IQGAP2: variants seen among roughly 807,000 people sequenced by gnomAD.
The protein encoded by IQGAP2 is ras GTPase-activating-like protein IQGAP2.
Under a neutral mutation model 201.3 loss-of-function variants are expected in IQGAP2, and 173 were observed. That is an observed-to-expected ratio of 0.86 (90% CI 0.76 to 0.98). The LOEUF is 0.98. Ranked by LOEUF, IQGAP2 falls within the 50% of genes least tolerant of loss-of-function variation. The probability of loss-of-function intolerance (pLI) is 0.00; values close to 1 mark genes in which losing one functional copy is unlikely to be tolerated. For missense variants in IQGAP2, 1,687 were observed against 1,864.8 expected, an observed-to-expected ratio of 0.90 and a Z score of 1.76; for synonymous variants, 675 against 673.9, an observed-to-expected ratio of 1.00 and a Z score of -0.03.
At chr5:76,536,446 T>C (rs1420963007) in intron 2 of IQGAP2, among the ~76,000 whole-genome samples, 3 of 152,034 alleles carry the variant, frequency 2.0e-5, no homozygotes, top group Admixed American at 6.5e-5. Context: ...TGTGTGCTGC[T>C]TTCTTTTTCT....
chr5:76,628,647 A>G (rs2455225), intron 14 of IQGAP2: 258,205 of 452,610 alleles, frequency 0.57, 74,594 homozygotes, highest in Middle Eastern at 0.61. Flanking sequence ...GTATCAGGTC[A>G]GAGAAGGTTC....
intron 28 of IQGAP2, 94 bp downstream of exon 28, chr5:76,677,444 A>C: frequency 8.7e-7 from 1 of 1,147,542 alleles, no homozygotes; most frequent in East Asian, 2.4e-5. Context: ...CTTATTGTAC[A>C]CATGTGCTAA....
At chr5:76,417,482 A>G (rs988056805) in intron 1 of IQGAP2, among the ~76,000 whole-genome samples, 1 of 152,052 alleles carries the variant, frequency 6.6e-6, no homozygotes. Flanking sequence ...ACAAGGTTTC[A>G]CCATGTTGGC....
chr5:76,468,680 C>T (rs1754927235), intron 2 of IQGAP2, among the ~76,000 whole-genome samples: 1 of 152,176 alleles, frequency 6.6e-6, no homozygotes. Context: ...TTTACTTGGC[C>T]TCATAGGCTC....
At chr5:76,538,919 C>G (rs898254148) in intron 2 of IQGAP2, among the ~76,000 whole-genome samples, 1 of 152,164 alleles carries the variant, frequency 6.6e-6, no homozygotes, top group Non-Finnish European at 1.5e-5. Context: ...AAGTGCCTCT[C>G]GTAGCCTGCT....
chr5:76,634,135 A>G (rs1390213596), intron 15 of IQGAP2, among the ~76,000 whole-genome samples: 1 of 152,174 alleles, frequency 6.6e-6, no homozygotes, highest in Non-Finnish European at 1.5e-5. Flanking sequence ...GCCTTAATAA[A>G]TAAAGTTTCA....
chr5:76,497,044 G>A (rs1299122233), intron 2 of IQGAP2, among the ~76,000 whole-genome samples: 1 of 151,980 alleles, frequency 6.6e-6, no homozygotes, highest in Non-Finnish European at 1.5e-5. Flanking sequence ...TGGTCAGGCT[G>A]GTCTTGAACT....
At chr5:76,705,655 A>G (rs938718570) in intron 35 of IQGAP2, among the ~76,000 whole-genome samples, 3 of 152,222 alleles carry the variant, frequency 2.0e-5, no homozygotes, top group African/African-American at 7.2e-5. Flanking sequence ...TCAATTCCCT[A>G]TAGAATTTTA....
intron 30 of IQGAP2, among the ~76,000 whole-genome samples, chr5:76,688,834 A>G (rs544524802): frequency 5.9e-5 from 9 of 152,304 alleles, no homozygotes; most frequent in African/African-American, 2.2e-4. Context: ...GGAGGTTATT[A>G]TCAGTATTTT....
intron 33 of IQGAP2, 37 bp from the exon 34 acceptor site, chr5:76,701,039 C>T (rs1484119450): frequency 6.2e-7 from 1 of 1,609,528 alleles, no homozygotes; most frequent in Non-Finnish European, 8.5e-7. Flanking sequence ...CTGCATTTGC[C>T]ATCATAACAA....
chr5:76,428,549 G>A (rs1752145489), intron 1 of IQGAP2, among the ~76,000 whole-genome samples: 1 of 149,990 alleles, frequency 6.7e-6, no homozygotes, highest in South Asian at 2.1e-4. Context: ...TGCTACCTCA[G>A]CTTCCCAAGT....
intron 21 of IQGAP2, among the ~76,000 whole-genome samples, chr5:76,659,626 G>C (rs1164748572): frequency 2.0e-5 from 3 of 152,108 alleles, no homozygotes; most frequent in African/African-American, 7.2e-5. Context: ...ATTACAAACA[G>C]AATCTTGACC....
At chr5:76,551,366 C>G (rs1743496617) in intron 2 of IQGAP2, among the ~76,000 whole-genome samples, 1 of 148,666 alleles carries the variant, frequency 6.7e-6, no homozygotes, top group Admixed American at 6.7e-5. Flanking sequence ...TCCTCACTTC[C>G]CAGACTGGGC....
At chr5:76,413,977 C>T (rs1220045078) in intron 1 of IQGAP2, among the ~76,000 whole-genome samples, 3 of 152,174 alleles carry the variant, frequency 2.0e-5, no homozygotes, top group African/African-American at 7.2e-5. Flanking sequence ...CCTCAGGCCT[C>T]ACCGCCTCTA....
At chr5:76,508,713 T>G (rs7713381) in intron 2 of IQGAP2, among the ~76,000 whole-genome samples, 1,973 of 151,412 alleles carry the variant, frequency 0.013, 40 homozygotes, top group African/African-American at 0.044. Flanking sequence ...TTTTTTTTTT[T>G]AAAGATCACG....
chr5:76,575,401 T>C (rs1267906360), intron 4 of IQGAP2, among the ~76,000 whole-genome samples: 3 of 152,110 alleles, frequency 2.0e-5, no homozygotes, highest in Non-Finnish European at 4.4e-5. Context: ...TGTGCTCATA[T>C]GCCCTATGAA....
intron 1 of IQGAP2, among the ~76,000 whole-genome samples, chr5:76,447,737 A>G (rs759123457): frequency 2.0e-5 from 3 of 152,220 alleles, no homozygotes; most frequent in Non-Finnish European, 2.9e-5. Context: ...ATGCAGACCT[A>G]TGCAGCCCGT....
chr5:76,639,970 G>T (rs1751439242), intron 16 of IQGAP2, among the ~76,000 whole-genome samples: 1 of 152,172 alleles, frequency 6.6e-6, no homozygotes, highest in Admixed American at 6.5e-5. Flanking sequence ...CAGCATCGAA[G>T]ATTTAAAATT....
chr5:76,632,950 C>T (rs1750825163), intron 15 of IQGAP2, among the ~76,000 whole-genome samples: 1 of 152,128 alleles, frequency 6.6e-6, no homozygotes, highest in Non-Finnish European at 1.5e-5. Flanking sequence ...GAAATGACCA[C>T]TCTCTTACTT....
Sources: allele counts gnomAD v4.1 joint callset (sites outside exome capture counted in the v4.1 genomes callset), GRCh38; gene constraint gnomAD v4.1.1; transcripts MANE v1.5; gene names NCBI Gene and HGNC (gene_info 2026-07-23, HGNC 2026-07-21).